The following SV2C variants were observed in gnomAD, a reference collection of about 807,000 sequenced individuals.
SV2C encodes the protein synaptic vesicle glycoprotein 2C, also known as solute carrier family 22 member B3.
Under a neutral mutation model 79.7 loss-of-function variants are expected in SV2C, and 49 were observed. That is an observed-to-expected ratio of 0.61 (90% CI 0.49 to 0.78). The LOEUF (loss-of-function observed/expected upper bound fraction) is 0.78. Among genes scored for constraint, SV2C ranks in the 30% least tolerant of loss-of-function variants. SV2C has a pLI of 0.00. For missense variants in SV2C, 833 were observed against 912.9 expected (o/e 0.91, Z 1.13); for synonymous variants, 334 against 333.2 (o/e 1.00, Z -0.03).
intron 4 of SV2C, among the ~76,000 whole-genome samples, chr5:76,244,711 A>C (rs2112427831): frequency 6.6e-6 from 1 of 152,342 alleles, no homozygotes; most frequent in South Asian, 2.1e-4. Context: ...GTTCATATTC[A>C]AGTTGATCCA....
At chr5:76,303,789 A>G (rs895663162) in intron 12 of SV2C, among the ~76,000 whole-genome samples, 5 of 152,238 alleles carry the variant, frequency 3.3e-5, no homozygotes, top group African/African-American at 1.2e-4. Flanking sequence ...TCCTCCATGA[A>G]GCAGATGTCA....
At chr5:76,177,791 GA>G (rs1236249088) in intron 2 of SV2C, among the ~76,000 whole-genome samples, 2 of 149,820 alleles carry the variant, frequency 1.3e-5, no homozygotes, top group African/African-American at 4.8e-5. Context: ...GGTTTAAACA[GA>G]GGTCACTCAG....
intron 9 of SV2C, 23 bp downstream of exon 9, chr5:76,295,965 A>T (rs1482121308): frequency 1.3e-6 from 2 of 1,541,010 alleles, no homozygotes; most frequent in Non-Finnish European, 1.7e-6. Flanking sequence ...GAAATAATTT[A>T]ATTTGCTACC....
chr5:76,055,338 G>A, the SV2C span, among the ~76,000 whole-genome samples: 3 of 152,064 alleles, frequency 2.0e-5, no homozygotes, highest in African/African-American at 7.2e-5. Context: ...TGAGGTCTCT[G>A]TTTTGTTCCA....
chr5:76,136,629 A>G (rs542982547), intron 2 of SV2C, among the ~76,000 whole-genome samples: 2 of 152,352 alleles, frequency 1.3e-5, no homozygotes, highest in East Asian at 3.9e-4. Flanking sequence ...AAACTCATCT[A>G]GGAATTGACA....
the SV2C span, among the ~76,000 whole-genome samples, chr5:76,064,978 C>A: frequency 6.6e-6 from 1 of 152,098 alleles, no homozygotes; most frequent in Non-Finnish European, 1.5e-5. Flanking sequence ...AAAGGGAAAA[C>A]AAACCTTGTA....
intron 4 of SV2C, among the ~76,000 whole-genome samples, chr5:76,269,627 A>G (rs1386001293): frequency 6.6e-6 from 1 of 152,176 alleles, no homozygotes; most frequent in Non-Finnish European, 1.5e-5. Context: ...CAAAACTGTC[A>G]TGAGAGTGGG....
At chr5:76,078,541 A>T (rs148711286), upstream of SV2C, 1 of 291,534 alleles carries the variant, frequency 3.4e-6, no homozygotes, top group Non-Finnish European at 6.6e-6. Context: ...CAAGACGAAC[A>T]TTGGTAGACT....
chr5:76,055,265 C>A, the SV2C span, among the ~76,000 whole-genome samples: 1 of 152,078 alleles, frequency 6.6e-6, no homozygotes, highest in Non-Finnish European at 1.5e-5. Flanking sequence ...AATCCTTTCC[C>A]CATTGCTTGT....
the SV2C span, among the ~76,000 whole-genome samples, chr5:75,975,485 G>A: frequency 6.6e-6 from 1 of 152,276 alleles, no homozygotes; most frequent in Non-Finnish European, 1.5e-5. Context: ...GGATGTCTAA[G>A]ACCTATTCTT....
At chr5:76,216,309 G>A (rs1357586592) in intron 4 of SV2C, among the ~76,000 whole-genome samples, 1 of 152,084 alleles carries the variant, frequency 6.6e-6, no homozygotes, top group African/African-American at 2.4e-5. Context: ...AAGACCTTAG[G>A]AGGCAGAGTG....
intron 12 of SV2C, among the ~76,000 whole-genome samples, chr5:76,316,128 A>T (rs2112552194): frequency 6.6e-6 from 1 of 152,364 alleles, no homozygotes; most frequent in South Asian, 2.1e-4. Context: ...GAATGAAAAA[A>T]AAGCAGAAAG....
chr5:75,990,204 TC>T, the SV2C span, among the ~76,000 whole-genome samples: 1 of 152,004 alleles, frequency 6.6e-6, no homozygotes, highest in East Asian at 1.9e-4. Flanking sequence ...GGCATCTTCA[TC>T]ATGAAATCTT....
chr5:75,908,844 G>A, the SV2C span, among the ~76,000 whole-genome samples: 1 of 152,194 alleles, frequency 6.6e-6, no homozygotes, highest in Non-Finnish European at 1.5e-5. Flanking sequence ...CTCTGCAGCA[G>A]TGCAGAGATT....
In SV2C at chr5:76,330,083, G is replaced by A. The variant is rs1749130587; in HGVS notation, c.*4536G>A. 1 of 149,656 alleles carries A rather than the reference G, an allele frequency of 6.7e-6. No individual in the cohort carries two copies. Among genetic ancestry groups the A allele is most frequent in the Admixed American group, 6.6e-5 (1 of 15,042 alleles). 9.3% of individuals were successfully genotyped at this position (149,656 alleles called of 1,614,324 possible). A position where few individuals can be genotyped will look rare whatever the true frequency, so the allele number is the denominator to read the frequency against. On this transcript the variant is annotated 3_prime_UTR_variant, in exon 13 of 13. Coordinates refer to ENST00000502798, the MANE Select transcript of SV2C (RefSeq NM_014979.4). ...TGTAGACAAAAAAAAAAAAAAACCTGTTAGTATATTCTGGATGTATTGTGT... is the reference window on the plus strand; with the variant it reads ...TGTAGACAAAAAAAAAAAAAAACCTATTAGTATATTCTGGATGTATTGTGT...
At chr5:75,963,698 G>C in the SV2C span, among the ~76,000 whole-genome samples, 4 of 151,928 alleles carry the variant, frequency 2.6e-5, no homozygotes, top group African/African-American at 9.7e-5. Flanking sequence ...TGAAAGATTC[G>C]AGTGTCTCTT....
the SV2C span, among the ~76,000 whole-genome samples, chr5:76,003,158 A>G: frequency 6.6e-6 from 1 of 152,046 alleles, no homozygotes; most frequent in East Asian, 1.9e-4. Flanking sequence ...CCCTTCTGCC[A>G]TTATTGTAGG....
intron 2 of SV2C, among the ~76,000 whole-genome samples, chr5:76,136,766 C>T (rs966978331): frequency 6.6e-6 from 1 of 152,010 alleles, no homozygotes; most frequent in African/African-American, 2.4e-5. Flanking sequence ...AAGAGTTTAC[C>T]GGGCAGATAA....
At chr5:76,271,870 C>T (rs1746880613) in intron 4 of SV2C, among the ~76,000 whole-genome samples, 1 of 152,036 alleles carries the variant, frequency 6.6e-6, no homozygotes, top group Non-Finnish European at 1.5e-5. Flanking sequence ...CATTTTCATC[C>T]ACTGTACTTG....
Sources: gnomAD v4.1 joint callset for allele counts (sites outside exome capture counted in the v4.1 genomes callset) on GRCh38, gnomAD v4.1.1 for gene constraint, MANE v1.5 for transcripts, NCBI Gene and HGNC (gene_info 2026-07-23, HGNC 2026-07-21) for gene names.